LMO7: variants seen among roughly 807,000 people sequenced by gnomAD.
LMO7 encodes the protein LIM domain 7, also known as LIM domain only protein 7.
LMO7 carries 120 observed loss-of-function variants against 206.5 expected under a neutral mutation model. The ratio of observed to expected loss-of-function variants is 0.58; its 90% confidence interval spans 0.50 to 0.68. LMO7 has a LOEUF of 0.68. Ranked by LOEUF, LMO7 falls within the 30% of genes least tolerant of loss-of-function variation. LMO7 has a pLI of 0.00. For missense variants in LMO7, 1,959 were observed against 1,957.9 expected (o/e 1.00, Z -0.01); for synonymous variants, 706 against 681.5 (o/e 1.04, Z -0.56).
intron 4 of LMO7, among the ~76,000 whole-genome samples, chr13:75,770,068 G>T (rs1329291870): frequency 6.6e-6 from 1 of 151,916 alleles, no homozygotes; most frequent in Non-Finnish European, 1.5e-5. Context: ...AAATGCCCAA[G>T]AGTAGAGCAC....
In LMO7 at chr13:75,847,029, C is replaced by CAAA. The variant is rs34127474; in HGVS notation, c.4150+1666_4150+1668dup. On this transcript the variant is annotated intron_variant, in intron 26 of 30. Transcript: ENST00000377534. ...CTGGGTGACGGAGCAGACTCTGTCTCAAAAAAAAAAAAAAAAAAGGCAACA... is the reference window on the plus strand; with the variant it reads ...CTGGGTGACGGAGCAGACTCTGTCTCAAAAAAAAAAAAAAAAAAAAAGGCAACA... Among the ~76,000 whole-genome samples the CAAA allele has an allele frequency of 3.3e-3, 372 of 112,436 alleles. 1 individual carries two copies. Among genetic ancestry groups the CAAA allele is most frequent in the Middle Eastern group, 0.025 (6 of 238 alleles). 73.8% of individuals were successfully genotyped at this position (112,436 alleles called of 152,430 possible).
intron 1 of LMO7, among the ~76,000 whole-genome samples, chr13:75,701,008 G>A (rs1256916159): frequency 1.3e-5 from 2 of 152,180 alleles, no homozygotes; most frequent in East Asian, 3.9e-4. Context: ...TGTTCTATTT[G>A]TTCATTCATC....
At chr13:75,621,802 A>T (rs1254081510) in exon 1 of LMO7, 2 of 1,613,218 alleles carry the variant, frequency 1.2e-6, no homozygotes, top group Non-Finnish European at 8.5e-7. Flanking sequence ...GAGGCAACTG[A>T]TATGTGCTCA....
upstream of LMO7, among the ~76,000 whole-genome samples, chr13:75,633,336 T>A (rs2035246225): frequency 6.6e-6 from 1 of 152,210 alleles, no homozygotes; most frequent in Non-Finnish European, 1.5e-5. Context: ...AGCTTGCTCA[T>A]CAGCTTTTCT....
intron 1 of LMO7, among the ~76,000 whole-genome samples, chr13:75,661,661 G>T (rs1448125272): frequency 6.6e-6 from 1 of 152,194 alleles, no homozygotes; most frequent in Non-Finnish European, 1.5e-5. Flanking sequence ...TGAGCACACA[G>T]GAGGCGTGGA....
intron 1 of LMO7, among the ~76,000 whole-genome samples, chr13:75,667,928 G>T (rs1268848474): frequency 1.3e-5 from 2 of 152,230 alleles, no homozygotes; most frequent in African/African-American, 2.4e-5. Context: ...AGGCATTTAG[G>T]CTGGGCGCAG....
At chr13:75,803,928 T>C (rs1398774725) in intron 7 of LMO7, among the ~76,000 whole-genome samples, 1 of 152,246 alleles carries the variant, frequency 6.6e-6, no homozygotes, top group Non-Finnish European at 1.5e-5. Flanking sequence ...TATTTTTGCA[T>C]GTTGTTTTAA....
chr13:75,772,482 A>T lies in LMO7; in HGVS notation c.317+11444A>T, dbSNP rs180696930. On this transcript the variant is annotated intron_variant, in intron 4 of 30. Coordinates refer to ENST00000377534, the MANE Select transcript of LMO7 (RefSeq NM_001306080.2). ...CTTTCATGCCTTTTCTAATCTTACA[A>T]CCACTTTATAAGATAGGGTGGTTGA... Among the ~76,000 whole-genome samples the T allele has an allele frequency of 2.0e-5, 3 of 152,188 alleles. 1 individual carries two copies. Among genetic ancestry groups the T allele is most frequent in the Non-Finnish European group, 4.4e-5 (3 of 67,976 alleles).
chr13:75,774,853 A>G (rs1256835536), intron 4 of LMO7, among the ~76,000 whole-genome samples: 1 of 152,114 alleles, frequency 6.6e-6, no homozygotes, highest in African/African-American at 2.4e-5. Context: ...ATTTGATGAA[A>G]TTACCATTTG....
intron 18 of LMO7, 78 bp downstream of exon 18, chr13:75,835,417 C>A (rs1595415019): frequency 4.5e-6 from 4 of 892,458 alleles, no homozygotes; most frequent in East Asian, 5.5e-5. Context: ...AAAATAATTT[C>A]TTTTGTTTGT....
chr13:75,741,010 T>A (rs1473864448), intron 3 of LMO7, among the ~76,000 whole-genome samples: 1 of 152,248 alleles, frequency 6.6e-6, no homozygotes, highest in Non-Finnish European at 1.5e-5. Context: ...ACCTTGGTGT[T>A]TCGTTGAGTT....
intron 4 of LMO7, among the ~76,000 whole-genome samples, chr13:75,777,888 G>A (rs976446901): frequency 2.0e-5 from 3 of 151,584 alleles, no homozygotes; most frequent in African/African-American, 4.8e-5. Context: ...CTCGTGATCC[G>A]CCCGCCTCGG....
intron 1 of LMO7, among the ~76,000 whole-genome samples, chr13:75,701,541 A>G (rs1016836576): frequency 6.6e-6 from 1 of 152,162 alleles, no homozygotes; most frequent in Admixed American, 6.5e-5. Context: ...TTTGCTGTTG[A>G]GAACCCATGA....
chr13:75,665,531 AT>A (rs35856612), intron 1 of LMO7, among the ~76,000 whole-genome samples: 56 of 148,020 alleles, frequency 3.8e-4, no homozygotes, highest in African/African-American at 3.5e-4. Flanking sequence ...CCTAGTCTAC[AT>A]TTTTTTTTTT....
intron 1 of LMO7, 133 bp from the exon 2 acceptor site, chr13:75,713,049 A>G (rs1202629672): frequency 2.3e-5 from 13 of 559,620 alleles, no homozygotes; most frequent in South Asian, 1.2e-4. Flanking sequence ...GGAACAGATT[A>G]TAGGATATAA....
At chr13:75,622,203 A>T (rs1322109291) in intron 1 of LMO7, 1 of 162,316 alleles carries the variant, frequency 6.2e-6, no homozygotes, top group Non-Finnish European at 1.3e-5. Flanking sequence ...AGGCATTTTC[A>T]ACCTGAACTT....
chr13:75,670,957 T>C (rs1241636771), intron 1 of LMO7, among the ~76,000 whole-genome samples: 4 of 123,314 alleles, frequency 3.2e-5, no homozygotes, highest in Non-Finnish European at 5.6e-5. Context: ...TTTTTTTTAA[T>C]GTTTAAAACT....
chr13:75,697,814 T>C (rs1716128453), intron 1 of LMO7, among the ~76,000 whole-genome samples: 1 of 152,222 alleles, frequency 6.6e-6, no homozygotes, highest in Non-Finnish European at 1.5e-5. Flanking sequence ...TTAGATGCAT[T>C]GTAGAGCTGT....
At chr13:75,837,762 T>C (rs896599880) in intron 19 of LMO7, among the ~76,000 whole-genome samples, 5 of 152,216 alleles carry the variant, frequency 3.3e-5, no homozygotes, top group East Asian at 1.9e-4. Flanking sequence ...CTGTTTGTTA[T>C]AGACAGTTTT....
Sources: allele counts gnomAD v4.1 joint callset (sites outside exome capture counted in the v4.1 genomes callset), GRCh38; gene constraint gnomAD v4.1.1; transcripts MANE v1.5; gene names NCBI Gene and HGNC (gene_info 2026-07-23, HGNC 2026-07-21).